Variants in PLA2G4A observed in about 807,000 individuals in gnomAD.
PLA2G4A encodes the protein phospholipase A2 group IVA.
Under a neutral mutation model 81.9 loss-of-function variants are expected in PLA2G4A, and 40 were observed. The ratio of observed to expected loss-of-function variants is 0.49; its 90% CI spans 0.38 to 0.64. The LOEUF (loss-of-function observed/expected upper bound fraction) is 0.64, where lower values mean the gene tolerates loss of function less well. Ranked by LOEUF, PLA2G4A falls within the 30% of genes least tolerant of loss-of-function variation. The pLI is 0.00. For missense variants in PLA2G4A, 715 were observed against 905.1 expected (o/e 0.79, Z 2.69); for synonymous variants, 302 against 296.9 (o/e 1.02, Z -0.18).
At chr1:186,928,291 C>T (rs1279863073) in intron 7 of PLA2G4A, among the ~76,000 whole-genome samples, 1 of 152,130 alleles carries the variant, frequency 6.6e-6, no homozygotes, top group Non-Finnish European at 1.5e-5. Context: ...AAGCAAATGT[C>T]CCATATCAGA....
At chr1:186,922,953 A>G (rs761786508) in intron 7 of PLA2G4A, among the ~76,000 whole-genome samples, 123 of 152,194 alleles carry the variant, frequency 8.1e-4, no homozygotes, top group Non-Finnish European at 1.4e-3. Context: ...TTTCTATACA[A>G]TGTCTGTAAT....
chr1:186,940,173 A>G (rs1314693760), intron 10 of PLA2G4A, 79 bp downstream of exon 10: 4 of 807,032 alleles, frequency 5.0e-6, no homozygotes, highest in Non-Finnish European at 9.0e-6. Context: ...GAGGAAGGTC[A>G]TAAGCAATTT....
In PLA2G4A at chr1:186,870,454, A is replaced by T. The variant is rs750228614; in HGVS notation, c.53A>T (p.His18Leu). ...QHIIVEHQYS[H>L]KFTVVVLRAT... ...TTCCAGGTGGAGCACCAGTATTCCC[A>T]CAAGTTTACGGTAGTGGTGTTACGT... Residue 18 changes from histidine (H) to leucine (L), a missense_variant, in exon 3 of 18, where the codon CAC becomes CTC. Physicochemically the swap from His to Leu is moderately conservative, Grantham distance 99. Coordinates refer to ENST00000367466, the MANE Select transcript of PLA2G4A (RefSeq NM_024420.3). 1 of 1,608,186 alleles carries T rather than the reference A, an allele frequency of 6.2e-7. No individual in the cohort carries two copies. The highest frequency in any genetic ancestry group is 8.5e-7 in the Non-Finnish European group (1 of 1,174,636).
intron 1 of PLA2G4A, among the ~76,000 whole-genome samples, chr1:186,844,504 C>T (rs975409655): frequency 6.6e-6 from 1 of 152,104 alleles, no homozygotes; most frequent in African/African-American, 2.4e-5. Flanking sequence ...AAGTTAGTGT[C>T]CAAATGTGTT....
intron 3 of PLA2G4A, among the ~76,000 whole-genome samples, chr1:186,883,456 A>G (rs1248629894): frequency 6.6e-6 from 1 of 152,154 alleles, no homozygotes; most frequent in African/African-American, 2.4e-5. Context: ...AATGCATGTC[A>G]TGTGATATGA....
intron 17 of PLA2G4A, among the ~76,000 whole-genome samples, chr1:186,987,004 G>A (rs756051193): frequency 1.1e-4 from 16 of 152,158 alleles, no homozygotes; most frequent in Non-Finnish European, 2.2e-4. Flanking sequence ...CATATATTAC[G>A]TTTTAAAATA....
At chr1:186,872,590 A>C (rs1480998352) in intron 3 of PLA2G4A, among the ~76,000 whole-genome samples, 1 of 152,030 alleles carries the variant, frequency 6.6e-6, no homozygotes, top group African/African-American at 2.4e-5. Context: ...GATGAGTCCA[A>C]CAGCAGTTCA....
chr1:186,957,166 TA>T (rs1233595054), intron 14 of PLA2G4A, among the ~76,000 whole-genome samples: 1 of 151,614 alleles, frequency 6.6e-6, no homozygotes, highest in Non-Finnish European at 1.5e-5. Context: ...AAATAAAAAA[TA>T]AAAAAAATAT....
intron 7 of PLA2G4A, among the ~76,000 whole-genome samples, chr1:186,912,348 T>C (rs1654977109): frequency 6.6e-6 from 1 of 152,176 alleles, no homozygotes; most frequent in Admixed American, 6.5e-5. Flanking sequence ...CTAGGCTCAC[T>C]GTTGGTGGTC....
At chr1:186,859,011 A>G (rs370642772) in intron 2 of PLA2G4A, among the ~76,000 whole-genome samples, 26 of 152,278 alleles carry the variant, frequency 1.7e-4, no homozygotes, top group African/African-American at 6.3e-4. Context: ...ATAAATGAGC[A>G]AGCACACTCA....
chr1:186,911,967 C>T (rs976039568), intron 7 of PLA2G4A, among the ~76,000 whole-genome samples: 10 of 152,006 alleles, frequency 6.6e-5, no homozygotes, highest in African/African-American at 2.4e-4. Context: ...TAGGAGAACC[C>T]GGAGCAACAA....
chr1:186,889,740 C>CT (rs912573353), intron 3 of PLA2G4A, among the ~76,000 whole-genome samples: 41 of 148,854 alleles, frequency 2.8e-4, no homozygotes, highest in Non-Finnish European at 5.8e-4. Context: ...TTTGCTTTTC[C>CT]TTTATTTTCA....
intron 17 of PLA2G4A, among the ~76,000 whole-genome samples, chr1:186,987,910 T>C (rs931877809): frequency 8.5e-5 from 13 of 152,252 alleles, no homozygotes; most frequent in African/African-American, 3.1e-4. Context: ...ATTGTTTCAG[T>C]TGAGGAAGGA....
intron 2 of PLA2G4A, among the ~76,000 whole-genome samples, chr1:186,864,175 C>T (rs1428771958): frequency 3.9e-5 from 6 of 152,104 alleles, no homozygotes; most frequent in Admixed American, 3.9e-4. Context: ...TGTATATGTA[C>T]CACTTTTATT....
intron 10 of PLA2G4A, among the ~76,000 whole-genome samples, chr1:186,943,945 C>T (rs1656248887): frequency 6.6e-6 from 1 of 152,008 alleles, no homozygotes; most frequent in South Asian, 2.1e-4. Flanking sequence ...CCAATAAAAA[C>T]AGAATGGAAA....
rs916564747 is a variant in PLA2G4A, at chr1:186,853,056, A to AT, written c.-69-1222dup. Among the ~76,000 whole-genome samples, 29 of 151,704 alleles carry AT rather than the reference A, an allele frequency of 1.9e-4. 1 individual carries two copies. The highest frequency in any genetic ancestry group is 6.2e-4 in the South Asian group (3 of 4,818). On this transcript the variant is annotated intron_variant, in intron 1 of 17. Transcript: ENST00000367466. The stretch of plus-strand genomic sequence containing the variant: ...TAAATAGACGTTTTACTTTAAAAAC[A>AT]TTTTTTTTCTTGTTGGTACAAATAA...
At chr1:186,932,727 A>G in intron 7 of PLA2G4A, 36 bp from the exon 8 acceptor site, 1 of 1,604,362 alleles carries the variant, frequency 6.2e-7, no homozygotes. Context: ...TATGATTTTT[A>G]CTTTGTGTAC....
chr1:186,912,855 A>AAT (rs546156110), intron 7 of PLA2G4A, among the ~76,000 whole-genome samples: 1 of 146,416 alleles, frequency 6.8e-6, no homozygotes, highest in Admixed American at 6.9e-5. Context: ...ATTTGTATAT[A>AAT]ATATATATAT....
At chr1:186,903,869 C>T (rs897185594) in intron 5 of PLA2G4A, among the ~76,000 whole-genome samples, 2 of 152,096 alleles carry the variant, frequency 1.3e-5, no homozygotes, top group African/African-American at 2.4e-5. Flanking sequence ...CTGCTCCTAC[C>T]CCGCCACCCT....
Sources: gnomAD v4.1 joint callset for allele counts (sites outside exome capture counted in the v4.1 genomes callset) on GRCh38, gnomAD v4.1.1 for gene constraint, MANE v1.5 for transcripts, NCBI Gene and HGNC (gene_info 2026-07-23, HGNC 2026-07-21) for gene names.